RMST: variants seen among roughly 807,000 people sequenced by gnomAD.
The protein encoded by RMST is rhabdomyosarcoma 2 associated transcript.
intron 10 of RMST, among the ~76,000 whole-genome samples, chr12:97,522,063 G>A (rs1880571478): frequency 6.6e-6 from 1 of 151,920 alleles, no homozygotes; most frequent in South Asian, 2.1e-4. Flanking sequence ...GTTATGATCT[G>A]GCCTCTTTTG....
At chr12:97,484,979 C>T (rs1185568889) in intron 5 of RMST, among the ~76,000 whole-genome samples, 2 of 152,162 alleles carry the variant, frequency 1.3e-5, no homozygotes, top group African/African-American at 4.8e-5. Flanking sequence ...CAGCCTTGAA[C>T]ACTACCCACA....
chr12:97,522,773 G>T (rs1255898606), intron 10 of RMST, among the ~76,000 whole-genome samples: 3 of 151,992 alleles, frequency 2.0e-5, no homozygotes, highest in Non-Finnish European at 4.4e-5. Flanking sequence ...TGTGGTACTT[G>T]GTTGTATGGT....
chr12:97,528,956 C>T (rs951179765), intron 10 of RMST, among the ~76,000 whole-genome samples: 1 of 152,000 alleles, frequency 6.6e-6, no homozygotes, highest in Non-Finnish European at 1.5e-5. Context: ...CACTCTTGTC[C>T]TGTTATTTCT....
At chr12:97,528,623 G>C (rs187569952) in intron 10 of RMST, among the ~76,000 whole-genome samples, 101 of 152,044 alleles carry the variant, frequency 6.6e-4, no homozygotes, top group Non-Finnish European at 1.3e-3. Context: ...GAACTCTTTA[G>C]GAATAAACTC....
intron 10 of RMST, among the ~76,000 whole-genome samples, chr12:97,510,858 CTTTT>C (rs949606415): frequency 2.0e-5 from 3 of 147,332 alleles, no homozygotes; most frequent in Non-Finnish European, 4.5e-5. Flanking sequence ...TTTCCAGTCA[CTTTT>C]TTTTTTTAAG....
At chr12:97,519,394 A>C (rs527739883) in intron 10 of RMST, among the ~76,000 whole-genome samples, 1 of 152,300 alleles carries the variant, frequency 6.6e-6, no homozygotes, top group East Asian at 1.9e-4. Flanking sequence ...TATCTCTTCA[A>C]ATTGGATATT....
intron 5 of RMST, among the ~76,000 whole-genome samples, chr12:97,487,068 G>T (rs1686006118): frequency 6.6e-6 from 1 of 152,074 alleles, no homozygotes; most frequent in African/African-American, 2.4e-5. Flanking sequence ...AAATAGCAGG[G>T]GTGAAACAAT....
chr12:97,562,508 G>GGT (rs1231761525), intron 13 of RMST, among the ~76,000 whole-genome samples: 4 of 152,098 alleles, frequency 2.6e-5, no homozygotes, highest in Admixed American at 6.5e-5. Flanking sequence ...TGGGGGAGGA[G>GGT]GTAGAGGTGG....
chr12:97,541,540 A>G (rs1882520527), intron 11 of RMST, among the ~76,000 whole-genome samples: 2 of 151,828 alleles, frequency 1.3e-5, no homozygotes, highest in Non-Finnish European at 3.0e-5. Context: ...CCTTCCTTCA[A>G]CAGTTAAACA....
chr12:97,488,639 A>G (rs1280546620), intron 5 of RMST, among the ~76,000 whole-genome samples: 1 of 152,158 alleles, frequency 6.6e-6, no homozygotes, highest in Non-Finnish European at 1.5e-5. Context: ...CATCCTGGGA[A>G]TATCCAGGTG....
intron 10 of RMST, among the ~76,000 whole-genome samples, chr12:97,507,198 A>G (rs971542832): frequency 1.3e-5 from 2 of 151,432 alleles, no homozygotes; most frequent in Non-Finnish European, 2.9e-5. Flanking sequence ...TGACCAAGGT[A>G]TATGATTACA....
intron 4 of RMST, among the ~76,000 whole-genome samples, chr12:97,463,483 G>T (rs1268063546): frequency 2.0e-5 from 3 of 152,172 alleles, no homozygotes; most frequent in Non-Finnish European, 4.4e-5. Context: ...GAGCTGAGTG[G>T]AAGGGTGAGC....
intron 10 of RMST, among the ~76,000 whole-genome samples, chr12:97,512,042 G>C (rs2136516990): frequency 1.3e-5 from 2 of 152,294 alleles, no homozygotes; most frequent in African/African-American, 4.8e-5. Context: ...TCCAGAGTTT[G>C]TTCCTTCTGA....
intron 10 of RMST, among the ~76,000 whole-genome samples, chr12:97,497,236 G>T (rs1877529330): frequency 6.6e-6 from 1 of 152,150 alleles, no homozygotes; most frequent in Non-Finnish European, 1.5e-5. Flanking sequence ...AATAATTAAA[G>T]GTGAATGCAT....
At chr12:97,533,586 T>C (rs1350089755) in intron 11 of RMST, 1 of 151,886 alleles carries the variant, frequency 6.6e-6, no homozygotes, top group Non-Finnish European at 1.5e-5. Context: ...TAAGCCTTGG[T>C]GAAAAGTTGT....
chr12:97,512,247 A>AGGAGT (rs1384733628), intron 10 of RMST, among the ~76,000 whole-genome samples: 1 of 152,132 alleles, frequency 6.6e-6, no homozygotes, highest in African/African-American at 2.4e-5. Flanking sequence ...CGCTGGCTTC[A>AGGAGT]GGAGTGAAGC....
chr12:97,562,413 T>C (rs1294554757), intron 13 of RMST, among the ~76,000 whole-genome samples: 1 of 151,994 alleles, frequency 6.6e-6, no homozygotes, highest in East Asian at 1.9e-4. Context: ...GTAGGGCTCT[T>C]GAACCCCTTC....
intron 5 of RMST, among the ~76,000 whole-genome samples, chr12:97,487,712 C>A (rs985006811): frequency 6.6e-6 from 1 of 152,198 alleles, no homozygotes; most frequent in Non-Finnish European, 1.5e-5. Context: ...CACATAGTTA[C>A]TGCATGAGTC....
intron 11 of RMST, among the ~76,000 whole-genome samples, chr12:97,556,006 A>G (rs946383070): frequency 3.3e-5 from 5 of 152,202 alleles, no homozygotes; most frequent in African/African-American, 4.8e-5. Flanking sequence ...GGTTCTTGCT[A>G]AAGGATCACA....
Sources: gnomAD v4.1 joint callset for allele counts (sites outside exome capture counted in the v4.1 genomes callset) on GRCh38, gnomAD v4.1.1 for gene constraint, MANE v1.5 for transcripts, NCBI Gene and HGNC (gene_info 2026-07-23, HGNC 2026-07-21) for gene names.